ZNF185: variants seen among roughly 807,000 people sequenced by gnomAD.
ZNF185 encodes the protein zinc finger protein 185.
In ZNF185, 56 loss-of-function variants were observed where a neutral mutation model predicts 58.6. The observed-to-expected ratio is 0.95, with a 90% confidence interval of 0.77 to 1.19. The LOEUF is 1.19. Among genes scored for constraint, ZNF185 ranks in the 50% most tolerant of loss-of-function variants. ZNF185 has a pLI of 0.00. For missense variants in ZNF185, 627 were observed against 573.5 expected (o/e 1.09, Z -0.95); for synonymous variants, 230 against 215.9 (o/e 1.07, Z -0.57).
upstream of ZNF185, among the ~76,000 whole-genome samples, chrX:152,910,328 A>G (rs1242968668): frequency 8.9e-6 from 1 of 112,475 alleles, no homozygotes; most frequent in African/African-American, 3.2e-5. Flanking sequence ...TCATGACAGG[A>G]AAATTAGAAA....
intron 15 of ZNF185, among the ~76,000 whole-genome samples, chrX:152,943,378 G>A (rs1243943007): frequency 2.7e-5 from 3 of 112,114 alleles, no homozygotes; most frequent in South Asian, 3.7e-4. Context: ...TAGGCTACTG[G>A]ATCTTTGGTC....
upstream of ZNF185, among the ~76,000 whole-genome samples, chrX:152,913,733 G>A (rs782297002): frequency 3.5e-4 from 39 of 112,165 alleles, 1 homozygote; most frequent in Middle Eastern, 4.6e-3. Context: ...CATTCTTGGC[G>A]CTGTTTGAGG....
chrX:152,970,462 C>T lies in ZNF185; in HGVS notation c.1994C>T (p.Pro665Leu), dbSNP rs782626270. 9.1e-6 allele frequency: 11 copies of T among 1,207,419 alleles called. No homozygotes were observed. In the Admixed American group the frequency reaches 2.0e-4, roughly 22 times the overall value. The change falls in exon 22 of 23, where the codon CCG (proline) becomes CTG (leucine). Residue 665 changes from proline (P) to leucine (L), a missense_variant. Pro to Leu is a moderately conservative substitution (Grantham distance 98). Transcript: ENST00000449285. ...TTTCAGTGTGGGATTTGCAGTAAAC[C>T]GATGGGCGATCTCCTGGATCAGATC...
At chrX:152,914,874 G>A (rs186114067) in intron 2 of ZNF185, 41 bp downstream of exon 3, 654 of 1,159,974 alleles carry the variant, frequency 5.6e-4, no homozygotes, top group Non-Finnish European at 7.3e-4. Flanking sequence ...CAACGTGGGG[G>A]CGCGCAATCC....
At chrX:152,924,413 G>C (rs1556871357) in intron 11 of ZNF185, among the ~76,000 whole-genome samples, 1 of 111,041 alleles carries the variant, frequency 9.0e-6, no homozygotes, top group South Asian at 3.8e-4. Flanking sequence ...GAGCCACCGC[G>C]CCCAGACCCT....
intron 19 of ZNF185, 83 bp downstream of exon 21, chrX:152,965,610 TC>T: frequency 1.1e-6 from 1 of 886,172 alleles, no homozygotes; most frequent in Non-Finnish European, 1.6e-6. Context: ...CAGTTCCTTG[TC>T]CAGGACTTGG....
exon 11 of ZNF185, chrX:152,922,790 G>A (rs868984773): frequency 3.3e-6 from 4 of 1,196,909 alleles, no homozygotes; most frequent in South Asian, 1.8e-5. Flanking sequence ...GCCTAGCCCC[G>A]CTGGGAGCCA....
At chrX:152,938,884 A>T (rs2046741216) in intron 15 of ZNF185, among the ~76,000 whole-genome samples, 1 of 93,796 alleles carries the variant, frequency 1.1e-5, no homozygotes, top group African/African-American at 5.1e-5. Context: ...TGGGTGGAAA[A>T]GGCAACTCAG....
chrX:152,969,569 C>A, intron 21 of ZNF185, 85 bp downstream of exon 23: 1 of 723,280 alleles, frequency 1.4e-6, no homozygotes, highest in Non-Finnish European at 2.1e-6. Context: ...GTGCGGGAGT[C>A]TTACGGGTTC....
chrX:152,928,392 G>A (rs1243475211), intron 11 of ZNF185, among the ~76,000 whole-genome samples, 183 bp from the exon 13 acceptor site: 1 of 112,363 alleles, frequency 8.9e-6, no homozygotes, highest in African/African-American at 3.2e-5. Context: ...GGAGACCGGG[G>A]AAGGGGCCTA....
intron 5 of ZNF185, 51 bp downstream of exon 6, chrX:152,917,413 T>C (rs1938726853): frequency 8.6e-7 from 1 of 1,164,748 alleles, no homozygotes; most frequent in Non-Finnish European, 1.2e-6. Context: ...TGTGAGGGCC[T>C]GGTCTGGGCT....
intron 16 of ZNF185, among the ~76,000 whole-genome samples, chrX:152,950,376 C>T (rs1556898897): frequency 1.8e-5 from 2 of 111,645 alleles, no homozygotes; most frequent in Non-Finnish European, 3.8e-5. Context: ...GTGAATTTCC[C>T]ATAATTGAAA....
At position 152,920,272 on chromosome X, in the gene ZNF185, C is replaced by T. The variant is rs1407768334; in HGVS notation, c.531-56C>T. ...CCGAGTCCATCCCAGGCTAGGCTGG[C>T]AGAGCATGTCCAGCTTGGCACCCAT... On this transcript the variant is annotated intron_variant, in intron 7 of 22. Coordinates refer to ENST00000449285, the Ensembl canonical transcript of ZNF185. The T allele has an allele frequency of 2.6e-5, 30 of 1,145,060 alleles. No individual in the cohort carries two copies. In the Admixed American group the frequency reaches 6.6e-4, roughly 25 times the overall value. 94.4% of individuals were successfully genotyped at this position (1,145,060 alleles called of 1,213,427 possible).
chrX:152,938,901 TCCTCTAA>T (rs2046768308), intron 15 of ZNF185, among the ~76,000 whole-genome samples: 1 of 83,627 alleles, frequency 1.2e-5, no homozygotes, highest in African/African-American at 5.8e-5. Flanking sequence ...TCAGGCGATC[TCCTCTAA>T]AGAGGAGAAG....
chrX:152,941,805 G>T (rs1366692932), intron 15 of ZNF185: 19 of 1,159,541 alleles, frequency 1.6e-5, no homozygotes, highest in Non-Finnish European at 2.2e-5. Context: ...GAATGGGCCC[G>T]AGGAGCTGGC....
chrX:152,936,152 C>G (rs1335210068), intron 14 of ZNF185, among the ~76,000 whole-genome samples: 2 of 112,215 alleles, frequency 1.8e-5, no homozygotes, highest in African/African-American at 6.5e-5. Flanking sequence ...AAACTGAGGC[C>G]CAGAAAAAAA....
Position 152,914,849 on chromosome X carries a change from G to A in ZNF185, c.158+16G>A, listed in dbSNP as rs369218004. On this transcript the variant is annotated intron_variant, in intron 2 of 22. Transcript: ENST00000449285. ...GTCGCACCATGTAAGGCAAGGAGGC[G>A]GGGAGGGACCGCAGCAACGTGGGGG... 9.4e-6 allele frequency: 11 copies of A among 1,174,419 alleles called. No homozygotes were observed. Among genetic ancestry groups the A allele is most frequent in the African/African-American group, 7.1e-5 (4 of 56,149 alleles).
chrX:152,937,240 G>C (rs1030441904), intron 14 of ZNF185, among the ~76,000 whole-genome samples: 1 of 111,916 alleles, frequency 8.9e-6, no homozygotes, highest in African/African-American at 3.3e-5. Flanking sequence ...GAACACTCGA[G>C]AGATAGCAGG....
At chrX:152,922,648 A>G in intron 10 of ZNF185, 72 bp from the exon 12 acceptor site, 1 of 974,687 alleles carries the variant, frequency 1.0e-6, no homozygotes, top group Non-Finnish European at 1.4e-6. Context: ...CCAATAAGTT[A>G]GCCACATTCA....
Sources: gnomAD v4.1 joint callset for allele counts (sites outside exome capture counted in the v4.1 genomes callset) on GRCh38, gnomAD v4.1.1 for gene constraint, MANE v1.5 for transcripts, NCBI Gene and HGNC (gene_info 2026-07-23, HGNC 2026-07-21) for gene names.